The following LDLRAD4 variants were observed in gnomAD, a reference collection of about 807,000 sequenced individuals.
LDLRAD4 encodes low density lipoprotein receptor class A domain containing 4, also known as low-density lipoprotein receptor class A domain-containing protein 4.
In LDLRAD4, 5 loss-of-function variants were observed where a neutral mutation model predicts 17.0. The ratio of observed to expected loss-of-function variants is 0.29; its 90% confidence interval spans 0.15 to 0.62. The LOEUF (loss-of-function observed/expected upper bound fraction) is 0.62, where lower values mean the gene tolerates loss of function less well. Ranked by LOEUF, LDLRAD4 falls within the 20% of genes least tolerant of loss-of-function variation. The pLI, the probability that LDLRAD4 is intolerant of heterozygous loss-of-function variation, is 0.84. For synonymous variants in LDLRAD4, 168 were observed against 171.8 expected (o/e 0.98, Z 0.17); for missense variants, 340 against 424.7 (o/e 0.80, Z 1.75).
chr18:13,473,220 C>G (rs902821501), intron 3 of LDLRAD4, among the ~76,000 whole-genome samples: 3 of 152,236 alleles, frequency 2.0e-5, no homozygotes, highest in Admixed American at 6.5e-5. Flanking sequence ...AATGTGTCTT[C>G]TTCTTGCCCA....
chr18:13,467,846 AT>A (rs1353165246), intron 3 of LDLRAD4, among the ~76,000 whole-genome samples: 2 of 152,216 alleles, frequency 1.3e-5, no homozygotes, highest in Admixed American at 1.3e-4. Flanking sequence ...TGGCTGGATG[AT>A]TGGATGATTT....
At chr18:13,361,078 A>G (rs1438267462) in intron 1 of LDLRAD4, among the ~76,000 whole-genome samples, 2 of 152,190 alleles carry the variant, frequency 1.3e-5, no homozygotes, top group East Asian at 1.9e-4. Context: ...CACACGTGAC[A>G]TCTGTGCAGA....
chr18:13,534,689 G>A (rs970062184), intron 3 of LDLRAD4, among the ~76,000 whole-genome samples: 4 of 152,176 alleles, frequency 2.6e-5, no homozygotes, highest in Admixed American at 2.6e-4. Context: ...CTTTGCTGAG[G>A]TAGAATTCAC....
intron 4 of LDLRAD4, among the ~76,000 whole-genome samples, chr18:13,630,775 G>C (rs1172001075): frequency 6.6e-6 from 1 of 152,286 alleles, no homozygotes; most frequent in East Asian, 1.9e-4. Flanking sequence ...CAACACAAAA[G>C]CCTCCTATAA....
chr18:13,641,009 G>C (rs7244354), intron 4 of LDLRAD4, among the ~76,000 whole-genome samples: 16 of 152,346 alleles, frequency 1.1e-4, no homozygotes, highest in African/African-American at 3.8e-4. Flanking sequence ...AAATGGCTTT[G>C]GTTGTGTGTG....
chr18:13,578,388 G>A (rs1413425382), intron 3 of LDLRAD4, among the ~76,000 whole-genome samples: 3 of 152,114 alleles, frequency 2.0e-5, no homozygotes, highest in Admixed American at 6.5e-5. Flanking sequence ...GTCCCTCCTT[G>A]TCTCAGGAGA....
chr18:13,616,091 C>T (rs1314670723), intron 3 of LDLRAD4: 2 of 152,236 alleles, frequency 1.3e-5, no homozygotes, highest in African/African-American at 4.8e-5. Flanking sequence ...TCCTCCCCAA[C>T]CCCTAAAAAC....
chr18:13,639,658 CGGG>C (rs1315753642), intron 4 of LDLRAD4, among the ~76,000 whole-genome samples: 1 of 152,144 alleles, frequency 6.6e-6, no homozygotes, highest in African/African-American at 2.4e-5. Flanking sequence ...CCAGCCTTCT[CGGG>C]TTTTGGCCTC....
Position 13,440,089 on chromosome 18 carries a change from C to G in LDLRAD4, c.181+1705C>G, listed in dbSNP as rs1484886147. On this transcript the variant is annotated intron_variant, in intron 3 of 5. Coordinates refer to ENST00000359446, the Ensembl canonical transcript of LDLRAD4. The surrounding 1 kb of genome is among the most constrained non-coding windows in gnomAD (Gnocchi z 4.4). The stretch of plus-strand genomic sequence containing the variant: ...CTGGACTTGACTAACAGCAGACACA[C>G]CACGGTAAGCTGTGTAGAGAATATC... Among the ~76,000 whole-genome samples the G allele has an allele frequency of 6.6e-6, 1 of 152,152 alleles. No homozygotes were observed. The highest frequency in any genetic ancestry group is 1.5e-5 in the Non-Finnish European group (1 of 68,018).
At chr18:13,284,573 G>A in intron 1 of LDLRAD4, among the ~76,000 whole-genome samples, 1 of 152,120 alleles carries the variant, frequency 6.6e-6, no homozygotes, top group East Asian at 1.9e-4. Context: ...TCAGATTCTG[G>A]GTTGCTTGGT....
At chr18:13,641,671 G>GCCTGCTGCT in intron 4 of LDLRAD4, 2 of 787,626 alleles carry the variant, frequency 2.5e-6, no homozygotes, top group Non-Finnish European at 3.1e-6. Context: ...CAGCAGGCGC[G>GCCTGCTGCT]CCTCTGGCGG....
chr18:13,272,783 C>T (rs1599037111), intron 1 of LDLRAD4, among the ~76,000 whole-genome samples: 1 of 152,222 alleles, frequency 6.6e-6, no homozygotes, highest in Non-Finnish European at 1.5e-5. Flanking sequence ...TCAGGGACAG[C>T]TGGAGACCTC....
intron 3 of LDLRAD4, among the ~76,000 whole-genome samples, chr18:13,482,641 A>G (rs1051432396): frequency 6.6e-6 from 1 of 152,186 alleles, no homozygotes; most frequent in African/African-American, 2.4e-5. Context: ...TCTGAGCCCC[A>G]TCAGTCTGTG....
rs2148512711 is a variant in LDLRAD4 at position 13,588,454 on chromosome 18, G to A, written c.182-32663G>A. ...ATGTTTGGAATTTTATCTTTTTTCAGTGAAATATTACAAATAAATTTACAG... is the reference window on the plus strand; with the variant it reads ...ATGTTTGGAATTTTATCTTTTTTCAATGAAATATTACAAATAAATTTACAG... On this transcript the variant is annotated intron_variant, in intron 3 of 5. Coordinates refer to ENST00000359446, the Ensembl canonical transcript of LDLRAD4. Among the ~76,000 whole-genome samples the A allele has an allele frequency of 2.0e-5, 3 of 152,168 alleles. 1 individual carries two copies. The Middle Eastern group carries it at 0.01, about 518-fold the overall frequency.
intron 3 of LDLRAD4, among the ~76,000 whole-genome samples, chr18:13,574,973 T>C (rs922612114): frequency 1.3e-5 from 2 of 152,176 alleles, no homozygotes; most frequent in East Asian, 1.9e-4. Context: ...CATCTAACTT[T>C]TTTTCCATCC....
At chr18:13,425,335 A>T (rs1392221212) in intron 2 of LDLRAD4, among the ~76,000 whole-genome samples, 1 of 152,018 alleles carries the variant, frequency 6.6e-6, no homozygotes, top group Non-Finnish European at 1.5e-5. Context: ...GCTTTCATTT[A>T]TATTTTTATG....
rs148589024 is a variant in LDLRAD4, at chr18:13,649,735, G to A, written c.*4078G>A. 19 of 278,686 alleles carry A rather than the reference G, an allele frequency of 6.8e-5. No homozygotes were observed. In the East Asian group the frequency reaches 9.9e-4, roughly 14 times the overall value. The allele number at this position is 278,686 out of a possible 1,614,324, so 17.3% of individuals were successfully genotyped here. On this transcript the variant is annotated 3_prime_UTR_variant, in exon 6 of 6. Transcript: ENST00000359446. ...ATTTTTTAAAAATTTTCCAAAGCTC[G>A]GCAGTGTATGAAAGAAAAAACTGGG... is the stretch of plus-strand genomic sequence containing the variant.
chr18:13,646,918 T>G (rs1411771334), exon 6 of LDLRAD4: 1 of 152,366 alleles, frequency 6.6e-6, no homozygotes, highest in Admixed American at 6.5e-5. Flanking sequence ...TGGTGGTTTC[T>G]TATGCTTTGG....
At chr18:13,612,528 G>T (rs2039671023) in intron 3 of LDLRAD4, 2 of 1,414,722 alleles carry the variant, frequency 1.4e-6, no homozygotes, top group Non-Finnish European at 1.8e-6. Flanking sequence ...GAGAGTGAAC[G>T]AGGCAGACAG....
Sources: allele counts gnomAD v4.1 joint callset (sites outside exome capture counted in the v4.1 genomes callset), GRCh38; gene constraint gnomAD v4.1.1; non-coding constraint Gnocchi (gnomAD v3.1); transcripts MANE v1.5; gene names NCBI Gene and HGNC (gene_info 2026-07-23, HGNC 2026-07-21).